Variants in MAMLD1 observed in about 807,000 individuals in gnomAD.
MAMLD1 encodes the protein mastermind-like domain-containing protein 1.
A neutral mutation model predicts 45.0 loss-of-function variants in MAMLD1; 14 were observed. That is an observed-to-expected ratio of 0.31 (90% CI 0.21 to 0.49). MAMLD1 has a LOEUF of 0.49. Ranked by LOEUF, MAMLD1 falls within the 20% of genes least tolerant of loss-of-function variation. The pLI is 0.99. For missense variants in MAMLD1, 543 were observed against 603.6 expected (o/e 0.90, Z 1.05); for synonymous variants, 254 against 247.8 (o/e 1.02, Z -0.24).
chrX:150,419,494 G>C (rs2124549148), intron 1 of MAMLD1, among the ~76,000 whole-genome samples: 1 of 107,125 alleles, frequency 9.3e-6, no homozygotes, highest in African/African-American at 3.4e-5. Context: ...ATGTTAGCTG[G>C]TTATTTTGCT....
chrX:150,364,779 A>G (rs1259045393), intron 1 of MAMLD1, among the ~76,000 whole-genome samples: 4 of 113,137 alleles, frequency 3.5e-5, no homozygotes, highest in Admixed American at 9.2e-5. Flanking sequence ...CCCTGAGACC[A>G]AGCAATTTTG....
At chrX:150,447,234 G>A (rs782680347) in intron 2 of MAMLD1, among the ~76,000 whole-genome samples, 2 of 112,268 alleles carry the variant, frequency 1.8e-5, no homozygotes, top group South Asian at 7.4e-4. Context: ...TTGCTTTAGA[G>A]TCACACTTTG....
At chrX:150,395,189 CAT>C (rs1316619057) in intron 1 of MAMLD1, among the ~76,000 whole-genome samples, 1 of 111,653 alleles carries the variant, frequency 9.0e-6, no homozygotes, top group Non-Finnish European at 1.9e-5. Context: ...TTGATATGAT[CAT>C]GTGATTTTTC....
At chrX:150,392,042 C>T (rs1318940621) in intron 1 of MAMLD1, among the ~76,000 whole-genome samples, 1 of 111,803 alleles carries the variant, frequency 8.9e-6, no homozygotes, top group Non-Finnish European at 1.9e-5. Flanking sequence ...GCCTTGTTGC[C>T]ACTGAGTAGG....
chrX:150,509,099 T>A (rs1557409002), intron 6 of MAMLD1, among the ~76,000 whole-genome samples: 1 of 111,568 alleles, frequency 9.0e-6, no homozygotes, highest in Non-Finnish European at 1.9e-5. Context: ...GCCTTGAAAC[T>A]TGGCTCGCTC....
At chrX:150,448,089 C>T (rs1387506319) in intron 2 of MAMLD1, among the ~76,000 whole-genome samples, 3 of 112,337 alleles carry the variant, frequency 2.7e-5, no homozygotes, top group African/African-American at 9.7e-5. Flanking sequence ...TGAAGGAAAA[C>T]GTGCATCTCA....
chrX:150,420,604 C>G (rs377399034), intron 1 of MAMLD1, among the ~76,000 whole-genome samples: 1 of 112,088 alleles, frequency 8.9e-6, no homozygotes, highest in Non-Finnish European at 1.9e-5. Flanking sequence ...TGGTGATGTA[C>G]AGATGGGTTT....
intron 2 of MAMLD1, among the ~76,000 whole-genome samples, chrX:150,458,451 T>G (rs1231112099): frequency 9.0e-6 from 1 of 111,562 alleles, no homozygotes; most frequent in African/African-American, 3.3e-5. Context: ...GGCCTAAGCT[T>G]CAAAGTTCAT....
chrX:150,505,563 G>A (rs1557408779), intron 6 of MAMLD1, among the ~76,000 whole-genome samples: 1 of 111,629 alleles, frequency 9.0e-6, no homozygotes, highest in Non-Finnish European at 1.9e-5. Flanking sequence ...AGGGGCCCCA[G>A]AGTTACTGTG....
chrX:150,462,913 T>G, intron 3 of MAMLD1, 67 bp downstream of exon 3: 2 of 849,836 alleles, frequency 2.4e-6, no homozygotes, highest in South Asian at 4.1e-5. Context: ...GCCCCGAGTG[T>G]GAAAGGGACC....
rs183854230 is a variant in MAMLD1 at position 150,367,626 on chromosome X, G to A, written c.-64+4096G>A. 5.4e-3 allele frequency among the ~76,000 whole-genome samples: 604 copies of A among 111,657 alleles called. 1 individual carries two copies. Among genetic ancestry groups the A allele is most frequent in the African/African-American group, 0.019 (578 of 30,613 alleles). On this transcript the variant is annotated intron_variant, in intron 1 of 7. Transcript: ENST00000370401. ...CACAACGTGCAGGTTTGTTACATAT[G>A]TATACATGTGCCATGTTGGTGTGCT...
chrX:150,404,341 C>T, intron 1 of MAMLD1, among the ~76,000 whole-genome samples: 1 of 111,821 alleles, frequency 8.9e-6, no homozygotes, highest in East Asian at 2.8e-4. Context: ...CCTGAGAGCC[C>T]TTCAGAAAGT....
chrX:150,417,730 T>C lies in MAMLD1; in HGVS notation c.-63-27724T>C, dbSNP rs782308652. On this transcript the variant is annotated intron_variant, in intron 1 of 7. Coordinates refer to ENST00000370401, the MANE Select transcript of MAMLD1 (RefSeq NM_005491.5). ...ACTGGTGTGAGATGGTATCTCATTG[T>C]GGTTTTGATTTGCATTTCTCTGATG... Among the ~76,000 whole-genome samples the C allele has an allele frequency of 6.7e-3, 730 of 108,599 alleles. 2 individuals carry two copies. The highest frequency in any genetic ancestry group is 0.011 in the Admixed American group (109 of 10,119). 94.3% of individuals were successfully genotyped at this position (108,599 alleles called of 115,157 possible). A position where few individuals can be genotyped will look rare whatever the true frequency, so the allele number is the denominator to read the frequency against.
At chrX:150,399,866 G>A in intron 1 of MAMLD1, among the ~76,000 whole-genome samples, 1 of 112,297 alleles carries the variant, frequency 8.9e-6, no homozygotes, top group Non-Finnish European at 1.9e-5. Flanking sequence ...CATACAAATG[G>A]TGCGAAAGAA....
intron 1 of MAMLD1, among the ~76,000 whole-genome samples, chrX:150,442,847 A>G (rs2124595420): frequency 9.0e-6 from 1 of 111,396 alleles, no homozygotes; most frequent in African/African-American, 3.3e-5. Context: ...CATATTGTTG[A>G]CTAATTTTGT....
intron 2 of MAMLD1, among the ~76,000 whole-genome samples, chrX:150,451,078 CTGCCTGGG>C (rs2035648569): frequency 8.9e-6 from 1 of 112,843 alleles, no homozygotes; most frequent in Admixed American, 9.3e-5. Flanking sequence ...CATCTGGGTC[CTGCCTGGG>C]TAGCCTGGCT....
chrX:150,397,636 C>A (rs1452066341), intron 1 of MAMLD1, among the ~76,000 whole-genome samples: 1 of 111,500 alleles, frequency 9.0e-6, no homozygotes, highest in Non-Finnish European at 1.9e-5. Context: ...AGCTAGTCCT[C>A]TCATACCTTC....
At chrX:150,365,114 C>G (rs1200305705) in intron 1 of MAMLD1, among the ~76,000 whole-genome samples, 2 of 109,122 alleles carry the variant, frequency 1.8e-5, no homozygotes, top group Non-Finnish European at 3.9e-5. Context: ...CCCTCCCACC[C>G]CCGCCGCCGC....
At chrX:150,503,631 G>C in intron 6 of MAMLD1, 114 bp downstream of exon 6, 3 of 521,513 alleles carry the variant, frequency 5.8e-6, no homozygotes, top group Non-Finnish European at 1.0e-5. Context: ...GGAGGTGACA[G>C]CTCCGAAGGT....
Sources: allele counts gnomAD v4.1 joint callset (sites outside exome capture counted in the v4.1 genomes callset), GRCh38; gene constraint gnomAD v4.1.1; transcripts MANE v1.5; gene names NCBI Gene and HGNC (gene_info 2026-07-23, HGNC 2026-07-21).